Variants in AOPEP observed in about 807,000 individuals in gnomAD.
AOPEP encodes aminopeptidase O.
In AOPEP, 77 loss-of-function variants were observed where a neutral mutation model predicts 98.1. The observed-to-expected ratio is 0.78, with a 90% confidence interval of 0.65 to 0.95. The LOEUF (loss-of-function observed/expected upper bound fraction) is 0.95. Ranked by LOEUF, AOPEP falls within the 40% of genes least tolerant of loss-of-function variation. The pLI is 0.00. For synonymous variants in AOPEP, 346 were observed against 365.3 expected (o/e 0.95, Z 0.60); for missense variants, 1,024 against 1,024.7 (o/e 1.00, Z 0.01).
rs748071138 is a variant in AOPEP, at chr9:95,005,169, G to A, written c.1989G>A (p.Arg663=). 6.9e-6 allele frequency: 8 copies of A among 1,153,570 alleles called. No homozygotes were observed. The East Asian group carries it at 2.8e-4, about 40-fold the overall frequency. 71.5% of individuals were successfully genotyped at this position (1,153,570 alleles called of 1,614,324 possible). A position where few individuals can be genotyped will look rare whatever the true frequency, so the allele number is the denominator to read the frequency against. The part of the protein sequence containing the change: ...ESSGIPKPLQ[R]ERRAGAECGL... ...CTCTTCCCCCGCAGCCGCTGCAGAG[G>A]GAGCGTCGCGCCGGGGCGGAGTGCG... Residue 663 remains arginine (R), a synonymous_variant, in exon 12 of 17, where the codon AGG becomes AGA. Coordinates refer to ENST00000375315, the MANE Select transcript of AOPEP (RefSeq NM_001193329.3).
At chr9:95,053,474 A>G (rs117063502) in intron 13 of AOPEP, among the ~76,000 whole-genome samples, 11 of 152,316 alleles carry the variant, frequency 7.2e-5, no homozygotes, top group African/African-American at 2.6e-4. Flanking sequence ...TACATACCAT[A>G]TAGGATGTTT....
At chr9:94,894,375 G>A (rs1412973287) in intron 5 of AOPEP, among the ~76,000 whole-genome samples, 1 of 152,120 alleles carries the variant, frequency 6.6e-6, no homozygotes, top group Non-Finnish European at 1.5e-5. Flanking sequence ...AATCATAAGT[G>A]ACAAATAGTA....
chr9:95,148,023 T>TA, the AOPEP span, among the ~76,000 whole-genome samples: 1 of 152,176 alleles, frequency 6.6e-6, no homozygotes, highest in Non-Finnish European at 1.5e-5. Context: ...TTTGCACTGA[T>TA]AGCGCAAAAG....
chr9:94,762,848 C>G (rs1208038384), intron 2 of AOPEP, among the ~76,000 whole-genome samples: 1 of 152,040 alleles, frequency 6.6e-6, no homozygotes, highest in Non-Finnish European at 1.5e-5. Flanking sequence ...TAAAGAATGC[C>G]AGTTGCTAGA....
chr9:94,962,945 C>T (rs1001255595), intron 9 of AOPEP, among the ~76,000 whole-genome samples: 1 of 151,956 alleles, frequency 6.6e-6, no homozygotes, highest in Non-Finnish European at 1.5e-5. Flanking sequence ...GGGGTTTCAC[C>T]GTGTTAACCA....
At chr9:94,813,389 T>G (rs1159739525) in intron 5 of AOPEP, among the ~76,000 whole-genome samples, 3 of 152,214 alleles carry the variant, frequency 2.0e-5, no homozygotes, top group African/African-American at 7.2e-5. Flanking sequence ...TTGATGATGA[T>G]ACCACCTGAC....
chr9:95,125,792 CTG>C, the AOPEP span, among the ~76,000 whole-genome samples: 5 of 152,166 alleles, frequency 3.3e-5, no homozygotes, highest in Admixed American at 6.5e-5. Flanking sequence ...GCCTCTGCTG[CTG>C]TGTGTTAGGT....
At chr9:94,924,241 A>C in intron 6 of AOPEP, 66 bp downstream of exon 6, 7 of 1,273,708 alleles carry the variant, frequency 5.5e-6, no homozygotes, top group Non-Finnish European at 7.1e-6. Flanking sequence ...TCATTTGCTC[A>C]CCCAACAGCT....
chr9:94,817,810 G>A (rs935564478), intron 5 of AOPEP, among the ~76,000 whole-genome samples: 7 of 152,150 alleles, frequency 4.6e-5, no homozygotes, highest in African/African-American at 1.2e-4. Context: ...AGTTCCCTAA[G>A]CTTTCATGTG....
chr9:94,781,686 G>A (rs969866263), intron 3 of AOPEP, among the ~76,000 whole-genome samples: 2 of 150,446 alleles, frequency 1.3e-5, no homozygotes, highest in African/African-American at 4.9e-5. Context: ...TCAGCCTCCC[G>A]AGTAGCTGGG....
chr9:94,980,405 T>C lies in AOPEP; in HGVS notation c.1977+978T>C, dbSNP rs1045527084. ...GCAGGCCCTGTAGCCTGCTGGTTTC[T>C]GGTTTCATGGCTGGTTACATGAGCT... On this transcript the variant is annotated intron_variant, in intron 11 of 16. Coordinates refer to ENST00000375315, the MANE Select transcript of AOPEP (RefSeq NM_001193329.3). This position sits in a 1 kb window ranked among gnomAD's most constrained non-coding sequence, Gnocchi z 4.3. Among the ~76,000 whole-genome samples, 1 of 152,246 alleles carries C rather than the reference T, an allele frequency of 6.6e-6. No homozygotes were observed. Among genetic ancestry groups the C allele is most frequent in the African/African-American group, 2.4e-5 (1 of 41,468 alleles).
the AOPEP span, among the ~76,000 whole-genome samples, chr9:95,116,946 G>C: frequency 6.6e-6 from 1 of 152,224 alleles, no homozygotes; most frequent in East Asian, 1.9e-4. Context: ...AGAGTAGAAA[G>C]AATGAAAAGC....
intron 13 of AOPEP, among the ~76,000 whole-genome samples, chr9:95,044,653 GAA>G (rs778708635): frequency 5.8e-4 from 89 of 152,214 alleles, no homozygotes; most frequent in Admixed American, 1.7e-3. Context: ...GAAGGCTGCA[GAA>G]AGGTTTGTTG....
At position 94,966,545 on chromosome 9, in the gene AOPEP, C is replaced by T. The variant is rs2059211968; in HGVS notation, c.1873-1213C>T. Among the ~76,000 whole-genome samples the T allele has an allele frequency of 3.9e-5, 6 of 152,152 alleles. No individual in the cohort carries two copies. The South Asian group carries it at 1.2e-3, about 32-fold the overall frequency. On this transcript the variant is annotated intron_variant, in intron 9 of 16. Coordinates refer to ENST00000375315, the MANE Select transcript of AOPEP (RefSeq NM_001193329.3). ...ATAAAAACTTCAAGTATAGATCTTA[C>T]TTGTTACTCATTATCATCAAGTTCC... is the stretch of plus-strand genomic sequence containing the variant.
At chr9:94,902,816 G>T (rs1296467522) in intron 5 of AOPEP, among the ~76,000 whole-genome samples, 1 of 151,556 alleles carries the variant, frequency 6.6e-6, no homozygotes, top group Admixed American at 6.6e-5. Context: ...AGCACTTTGG[G>T]AGGCCGAGGT....
intron 11 of AOPEP, among the ~76,000 whole-genome samples, chr9:94,998,306 G>A (rs2061362391): frequency 6.6e-6 from 1 of 151,774 alleles, no homozygotes; most frequent in African/African-American, 2.4e-5. Flanking sequence ...AATCCCCTGA[G>A]ACTCAGTTTT....
chr9:94,996,350 C>CTGTGTGTGTG (rs10608161), intron 11 of AOPEP, among the ~76,000 whole-genome samples: 289 of 141,866 alleles, frequency 2.0e-3, no homozygotes, highest in East Asian at 7.3e-3. Flanking sequence ...TTACTTGCCT[C>CTGTGTGTGTG]TGTGTGTGTG....
chr9:94,793,429 C>T (rs1178791578), intron 4 of AOPEP, among the ~76,000 whole-genome samples: 2 of 151,996 alleles, frequency 1.3e-5, no homozygotes, highest in African/African-American at 2.4e-5. Flanking sequence ...CCTGTAATCC[C>T]AGCACTTTGG....
intron 5 of AOPEP, among the ~76,000 whole-genome samples, chr9:94,920,809 C>T (rs556898921): frequency 2.6e-4 from 40 of 151,820 alleles, no homozygotes; most frequent in Non-Finnish European, 4.6e-4. Context: ...TTTTTAATCT[C>T]GAGGGGCAAG....
Sources: allele counts gnomAD v4.1 joint callset (sites outside exome capture counted in the v4.1 genomes callset), GRCh38; gene constraint gnomAD v4.1.1; non-coding constraint Gnocchi (gnomAD v3.1); transcripts MANE v1.5; gene names NCBI Gene and HGNC (gene_info 2026-07-23, HGNC 2026-07-21).